Variants in DLGAP2 observed in about 807,000 individuals in gnomAD.
The protein encoded by DLGAP2 is DLG associated protein 2.
A neutral mutation model predicts 100.3 loss-of-function variants in DLGAP2; 26 were observed. The observed-to-expected ratio is 0.26, with a 90% confidence interval of 0.19 to 0.36. The LOEUF (loss-of-function observed/expected upper bound fraction) is 0.36, where lower values mean the gene tolerates loss of function less well. DLGAP2 is among the 10% of genes least tolerant of loss of function. The pLI is 1.00. For missense variants in DLGAP2, 1,858 were observed against 1,453.2 expected, an observed-to-expected ratio of 1.28 and a Z score of -4.53; for synonymous variants, 886 against 630.1, an observed-to-expected ratio of 1.41 and a Z score of -6.08.
At chr8:806,716 C>T (rs1056107505) in intron 1 of DLGAP2, among the ~76,000 whole-genome samples, 1 of 152,326 alleles carries the variant, frequency 6.6e-6, no homozygotes, top group East Asian at 1.9e-4. Flanking sequence ...ATGGATTAAA[C>T]ACCATTTGCT....
At chr8:1,300,592 G>A (rs1411970530) in intron 3 of DLGAP2, 1 of 152,346 alleles carries the variant, frequency 6.6e-6, no homozygotes, top group Non-Finnish European at 1.5e-5. Context: ...ACAAATCGGA[G>A]TTGGAGGCGA....
At position 1,678,645 on chromosome 8, in the gene DLGAP2, T is replaced by G; in HGVS notation, c.2704+16T>G. On this transcript the variant is annotated intron_variant, in intron 12 of 14. Transcript: ENST00000637795. ...TCGGAGGAAAGTAAGAGCTCAGGCT[T>G]CCCTAGGGCCTCTTAAATATCATTT... is the stretch of plus-strand genomic sequence containing the variant. The G allele has an allele frequency of 6.7e-7, 1 of 1,494,606 alleles. No individual in the cohort carries two copies. Among genetic ancestry groups the G allele is most frequent in the Non-Finnish European group, 8.9e-7 (1 of 1,119,700 alleles). The allele number at this position is 1,494,606 out of a possible 1,614,324, so 92.6% of individuals were successfully genotyped here.
intron 1 of DLGAP2, among the ~76,000 whole-genome samples, chr8:785,214 T>G (rs1424424006): frequency 4.1e-5 from 3 of 73,768 alleles, no homozygotes; most frequent in African/African-American, 1.6e-4. Context: ...AGAGCGAGAC[T>G]CCGCCTCAAA....
At chr8:1,303,877 A>G (rs2117002136) in intron 3 of DLGAP2, among the ~76,000 whole-genome samples, 1 of 152,306 alleles carries the variant, frequency 6.6e-6, no homozygotes, top group East Asian at 1.9e-4. Context: ...CTCTGGCCAG[A>G]GCCTGGGAGG....
Position 1,142,940 on chromosome 8 carries a change from G to T in DLGAP2, c.74-115911G>T, listed in dbSNP as rs184086795. On this transcript the variant is annotated intron_variant, in intron 2 of 14. Coordinates refer to ENST00000637795, the MANE Select transcript of DLGAP2 (RefSeq NM_001346810.2). ...TATCCCCTTCCTTTCAGAATTGCTC[G>T]TCATGTTCTCATAGAGACTTTCCCA... Among the ~76,000 whole-genome samples the T allele has an allele frequency of 3.5e-4, 53 of 152,254 alleles. No individual in the cohort carries two copies. In the East Asian group the frequency reaches 8.9e-3, roughly 26 times the overall value.
At chr8:779,360 C>T (rs893643141) in intron 1 of DLGAP2, among the ~76,000 whole-genome samples, 2 of 152,182 alleles carry the variant, frequency 1.3e-5, no homozygotes, top group African/African-American at 4.8e-5. Flanking sequence ...CATCTTGGCT[C>T]CTCCCCTGTG....
chr8:1,004,057 A>G (rs1372038757), intron 2 of DLGAP2, among the ~76,000 whole-genome samples: 1 of 152,168 alleles, frequency 6.6e-6, no homozygotes, highest in African/African-American at 2.4e-5. Flanking sequence ...GATACATGTT[A>G]GGACAGAAGT....
At chr8:1,028,135 G>A (rs190128512) in intron 2 of DLGAP2, among the ~76,000 whole-genome samples, 13 of 138,482 alleles carry the variant, frequency 9.4e-5, no homozygotes, top group Non-Finnish European at 1.6e-4. Context: ...GGGGTGTCAC[G>A]CGCCCGTTAT....
intron 2 of DLGAP2, among the ~76,000 whole-genome samples, chr8:952,178 C>T (rs1192064557): frequency 6.6e-6 from 1 of 152,188 alleles, no homozygotes; most frequent in Non-Finnish European, 1.5e-5. Context: ...TAATCCGACC[C>T]ATTTTGCAGA....
chr8:826,215 C>G (rs904407222), intron 1 of DLGAP2, among the ~76,000 whole-genome samples: 4 of 152,170 alleles, frequency 2.6e-5, no homozygotes, highest in Non-Finnish European at 5.9e-5. Context: ...TTTTCTTTAT[C>G]CATTTGTCTG....
At chr8:1,455,909 A>T (rs1013321824) in intron 3 of DLGAP2, among the ~76,000 whole-genome samples, 1 of 152,164 alleles carries the variant, frequency 6.6e-6, no homozygotes, top group Non-Finnish European at 1.5e-5. Flanking sequence ...CCCGGCACGA[A>T]ATCAATCAAC....
In DLGAP2 at chr8:1,455,434, G is replaced by A. The variant is rs141378496; in HGVS notation, c.107-45932G>A. ...CCTGGTCTGTCAGGACTCAGCTGTC[G>A]GGGAGAGAGCTGAAAGGAAGATGTC... On this transcript the variant is annotated intron_variant, in intron 3 of 14. Transcript: ENST00000637795. Among the ~76,000 whole-genome samples the A allele has an allele frequency of 5.2e-3, 795 of 152,326 alleles. 5 individuals are homozygous for A. The highest frequency in any genetic ancestry group is 0.018 in the African/African-American group (738 of 41,574).
chr8:1,329,259 C>T (rs1014245624), intron 3 of DLGAP2, among the ~76,000 whole-genome samples: 2 of 152,190 alleles, frequency 1.3e-5, no homozygotes, highest in Non-Finnish European at 2.9e-5. Context: ...GAAATTGTTT[C>T]ATGGAATGAA....
intron 2 of DLGAP2, among the ~76,000 whole-genome samples, chr8:1,219,403 A>G (rs1440589239): frequency 1.3e-5 from 2 of 152,198 alleles, no homozygotes; most frequent in African/African-American, 4.8e-5. Context: ...AGTTATGATT[A>G]TGTGATGAAT....
chr8:1,294,866 C>G (rs1800134500), intron 3 of DLGAP2, among the ~76,000 whole-genome samples: 1 of 133,904 alleles, frequency 7.5e-6, no homozygotes, highest in Non-Finnish European at 1.6e-5. Context: ...AAGATCTTGT[C>G]TCAAAACAAA....
chr8:1,494,897 G>C (rs1241546198), intron 3 of DLGAP2, among the ~76,000 whole-genome samples: 1 of 152,152 alleles, frequency 6.6e-6, no homozygotes, highest in Non-Finnish European at 1.5e-5. Flanking sequence ...AACTTCCCCA[G>C]GCGTCAATTT....
intron 2 of DLGAP2, among the ~76,000 whole-genome samples, chr8:949,651 T>C (rs1184778105): frequency 6.6e-6 from 1 of 152,184 alleles, no homozygotes; most frequent in Non-Finnish European, 1.5e-5. Context: ...TTCTGGCAGG[T>C]CCTCTTTCTC....
Position 1,632,921 on chromosome 8 carries a change from C to T in DLGAP2, c.1685C>T (p.Pro562Leu), listed in dbSNP as rs375507295. ...CAGGCCATGGATGCCCTCGACCTCC[C>T]GGGATGTTTCCGAACAAGGAGTCAC... ...ESQAMDALDL[P>L]GCFRTRSHSY... Residue 562 changes from proline to leucine, a missense_variant, in exon 8 of 15, where the codon CCG becomes CTG. By Grantham distance (98) the Pro-to-Leu change is moderately conservative (BLOSUM62 -3). Coordinates refer to ENST00000637795, the MANE Select transcript of DLGAP2 (RefSeq NM_001346810.2). 6.3e-5 allele frequency: 102 copies of T among 1,613,962 alleles called. No individual in the cohort carries two copies. The highest frequency in any genetic ancestry group is 8.1e-5 in the Non-Finnish European group (95 of 1,179,890).
intron 3 of DLGAP2, among the ~76,000 whole-genome samples, chr8:1,497,588 C>A (rs1392709055): frequency 6.6e-6 from 1 of 152,190 alleles, no homozygotes; most frequent in Non-Finnish European, 1.5e-5. Flanking sequence ...TAGATAAGGG[C>A]ATTTCTGAGG....
Sources: gnomAD v4.1 joint callset for allele counts (sites outside exome capture counted in the v4.1 genomes callset) on GRCh38, gnomAD v4.1.1 for gene constraint, MANE v1.5 for transcripts, NCBI Gene and HGNC (gene_info 2026-07-23, HGNC 2026-07-21) for gene names.